Variants in FAAH2 observed in about 807,000 individuals in gnomAD.
FAAH2 encodes fatty-acid amide hydrolase 2.
A neutral mutation model predicts 36.9 loss-of-function variants in FAAH2; 60 were observed. That is an observed-to-expected ratio of 1.63 (90% CI 1.32 to 2.02). The LOEUF (loss-of-function observed/expected upper bound fraction) is 2.02, where lower values mean the gene tolerates loss of function less well. FAAH2 is among the 30% of genes most tolerant of loss of function. The probability of loss-of-function intolerance (pLI) is 0.00; values close to 1 mark genes in which losing one functional copy is unlikely to be tolerated. For synonymous variants in FAAH2, 214 were observed against 143.8 expected, an observed-to-expected ratio of 1.49 and a Z score of -3.49; for missense variants, 689 against 397.5, an observed-to-expected ratio of 1.73 and a Z score of -6.23.
intron 7 of FAAH2, among the ~76,000 whole-genome samples, chrX:57,392,338 G>T (rs1017985444): frequency 3.6e-5 from 4 of 111,476 alleles, no homozygotes; most frequent in African/African-American, 1.3e-4. Flanking sequence ...GGTGAGAGTG[G>T]AGATCCTTGT....
At chrX:57,125,748 C>T in the FAAH2 span, among the ~76,000 whole-genome samples, 2 of 111,846 alleles carry the variant, frequency 1.8e-5, no homozygotes, top group Non-Finnish European at 3.8e-5. Context: ...GTTTAGTCTC[C>T]TATTACTGAA....
At chrX:57,137,289 G>T in the FAAH2 span, 1 of 758,953 alleles carries the variant, frequency 1.3e-6, no homozygotes, top group African/African-American at 2.3e-5. Context: ...TGAGCCTGTG[G>T]CGAAGGAGGG....
intron 10 of FAAH2, among the ~76,000 whole-genome samples, chrX:57,479,614 G>C (rs2057339898): frequency 1.8e-5 from 2 of 111,245 alleles, no homozygotes; most frequent in South Asian, 7.6e-4. Flanking sequence ...TAGTATATTG[G>C]CTGTGGGTTT....
chrX:57,301,193 C>A (rs1395156036), intron 2 of FAAH2, among the ~76,000 whole-genome samples: 1 of 109,117 alleles, frequency 9.2e-6, no homozygotes, highest in Non-Finnish European at 1.9e-5. Flanking sequence ...TTCACAATAG[C>A]AAAGACTTGG....
chrX:57,354,859 C>T (rs1247218336), intron 5 of FAAH2, among the ~76,000 whole-genome samples: 4 of 110,205 alleles, frequency 3.6e-5, no homozygotes, highest in Non-Finnish European at 7.6e-5. Flanking sequence ...AAATTAGATG[C>T]TAATTTTTAA....
the FAAH2 span, among the ~76,000 whole-genome samples, chrX:57,243,237 C>T: frequency 1.8e-5 from 2 of 112,190 alleles, no homozygotes; most frequent in African/African-American, 3.2e-5. Context: ...TTGAAAGAAA[C>T]ACAGCAGCCC....
rs574298961 is a variant in FAAH2 at position 57,465,100 on chromosome X, A to C, written c.1423+16382A>C. Among the ~76,000 whole-genome samples the C allele has an allele frequency of 8.0e-5, 9 of 111,982 alleles. No homozygotes were observed. In the South Asian group the frequency reaches 1.5e-3, roughly 18 times the overall value. On this transcript the variant is annotated intron_variant, in intron 10 of 10. Coordinates refer to ENST00000374900, the MANE Select transcript of FAAH2 (RefSeq NM_174912.4). ...AATTTTGAAGTTGAAAATTAATTAA[A>C]ATTAAAATTCACTAGAGGAGCTCAA...
chrX:57,379,741 A>T (rs2054789539), intron 6 of FAAH2, among the ~76,000 whole-genome samples: 3 of 109,968 alleles, frequency 2.7e-5, no homozygotes, highest in African/African-American at 9.9e-5. Flanking sequence ...AAATTCTCAC[A>T]TTGCCATCTC....
chrX:57,461,857 G>A (rs1341854457), intron 10 of FAAH2, among the ~76,000 whole-genome samples: 1 of 110,205 alleles, frequency 9.1e-6, no homozygotes, highest in Non-Finnish European at 1.9e-5. Context: ...AATGAATACA[G>A]GAGCTGGTTT....
the FAAH2 span, among the ~76,000 whole-genome samples, chrX:57,153,401 C>T: frequency 1.8e-5 from 2 of 111,818 alleles, no homozygotes; most frequent in East Asian, 5.6e-4. Context: ...CTATTCCATT[C>T]ATTGTATTAT....
chrX:57,177,791 T>C, the FAAH2 span, among the ~76,000 whole-genome samples: 1 of 108,698 alleles, frequency 9.2e-6, no homozygotes, highest in East Asian at 2.9e-4. Context: ...GCTGTCTGAC[T>C]GTTGGGATAA....
intron 7 of FAAH2, among the ~76,000 whole-genome samples, chrX:57,387,281 TAAG>T (rs2147254437): frequency 9.0e-6 from 1 of 111,436 alleles, no homozygotes; most frequent in East Asian, 2.8e-4. Context: ...AAATTAGAAA[TAAG>T]AGGTATGACT....
chrX:57,421,767 G>A (rs1051209387), intron 7 of FAAH2, among the ~76,000 whole-genome samples: 6 of 112,007 alleles, frequency 5.4e-5, no homozygotes, highest in Admixed American at 4.7e-4. Context: ...TTTGTTGAGC[G>A]TGGGTCCATT....
intron 7 of FAAH2, among the ~76,000 whole-genome samples, chrX:57,418,226 A>T (rs749411011): frequency 2.7e-5 from 3 of 111,233 alleles, no homozygotes; most frequent in Non-Finnish European, 5.7e-5. Flanking sequence ...CCCTTTTTCC[A>T]GGGGAGTGAA....
chrX:57,415,342 G>T (rs982828410), intron 7 of FAAH2, among the ~76,000 whole-genome samples: 51 of 111,603 alleles, frequency 4.6e-4, no homozygotes, highest in African/African-American at 1.7e-3. Flanking sequence ...GATCTTTCCT[G>T]CTTTCTCCTT....
At chrX:57,200,404 G>T in the FAAH2 span, among the ~76,000 whole-genome samples, 2 of 95,418 alleles carry the variant, frequency 2.1e-5, no homozygotes, top group African/African-American at 8.0e-5. Context: ...TTTTGAGACA[G>T]AATCTCGTTC....
chrX:57,442,779 T>C (rs1159326726), intron 8 of FAAH2, among the ~76,000 whole-genome samples: 1 of 111,969 alleles, frequency 8.9e-6, no homozygotes, highest in Non-Finnish European at 1.9e-5. Context: ...AGTGCTTCCT[T>C]CAGGAGCTCT....
At chrX:57,449,416 GCATCTGGAGGAAGA>G (rs1279993970) in intron 10 of FAAH2, among the ~76,000 whole-genome samples, 2 of 112,024 alleles carry the variant, frequency 1.8e-5, no homozygotes, top group African/African-American at 6.5e-5. Context: ...TTCTACTTGT[GCATCTGGAGGAAGA>G]CATTGAATCT....
chrX:57,140,056 G>A, the FAAH2 span, among the ~76,000 whole-genome samples: 1 of 111,205 alleles, frequency 9.0e-6, no homozygotes, highest in Admixed American at 9.5e-5. Context: ...AATTTTTATT[G>A]CAGACATCTT....
Sources: gnomAD v4.1 joint callset for allele counts (sites outside exome capture counted in the v4.1 genomes callset) on GRCh38, gnomAD v4.1.1 for gene constraint, MANE v1.5 for transcripts, NCBI Gene and HGNC (gene_info 2026-07-23, HGNC 2026-07-21) for gene names.